FST: variants seen among roughly 807,000 people sequenced by gnomAD.
FST encodes follistatin.
Under a neutral mutation model 38.4 loss-of-function variants are expected in FST, and 6 were observed. The observed-to-expected ratio is 0.16, with a 90% CI of 0.09 to 0.31. The LOEUF is 0.31. FST is among the 10% of genes least tolerant of loss of function. The pLI is 1.00. For synonymous variants in FST, 157 were observed against 169.8 expected, an observed-to-expected ratio of 0.92 and a Z score of 0.59; for missense variants, 301 against 432.3, an observed-to-expected ratio of 0.70 and a Z score of 2.69.
intron 5 of FST, 156 bp from the exon 6 acceptor site, chr5:53,485,795 A>C: frequency 6.3e-7 from 1 of 1,596,486 alleles, no homozygotes; most frequent in Non-Finnish European, 8.5e-7. Context: ...ATAACAGCAG[A>C]TGCCAAAAAC....
intron 1 of FST, among the ~76,000 whole-genome samples, chr5:53,481,600 T>C (rs1747220588): frequency 6.6e-6 from 1 of 152,116 alleles, no homozygotes; most frequent in Middle Eastern, 3.4e-3. Flanking sequence ...CATAACTGAC[T>C]TAAATTCTGA....
Position 53,483,084 on chromosome 5 carries a change from C to G in FST, c.277+13C>G, listed in dbSNP as rs1747340817. On this transcript the variant is annotated intron_variant, in intron 2 of 5. Coordinates refer to ENST00000256759, the MANE Select transcript of FST (RefSeq NM_013409.3). The surrounding 1 kb of genome is among the most constrained non-coding windows in gnomAD (Gnocchi z 4.1). ...ATCCCCTGTAAAGGTAGGACTCCTTCTTCCCAACTTGCAGGCCCTCAGTAG... is the reference window on the plus strand; with the variant it reads ...ATCCCCTGTAAAGGTAGGACTCCTTGTTCCCAACTTGCAGGCCCTCAGTAG... 6.3e-7 allele frequency: 1 copy of G among 1,591,426 alleles called. No homozygotes were observed. Among genetic ancestry groups the G allele is most frequent in the African/African-American group, 1.3e-5 (1 of 74,550 alleles).
intron 4 of FST, 151 bp downstream of exon 4, chr5:53,484,444 A>G (rs967012545): frequency 1.4e-6 from 1 of 737,414 alleles, no homozygotes; most frequent in Non-Finnish European, 2.2e-6. Flanking sequence ...TGACCACAGT[A>G]TTCCTCATGG....
At position 53,484,305 on chromosome 5, in the gene FST, G is replaced by C. The variant is rs1173249835; in HGVS notation, c.721+12G>C. ...GGGAAAGTGTATCAGTAGGTATTCT[G>C]GATTGAGGAAGGAAAAAGAGAAAAC... is the stretch of plus-strand genomic sequence containing the variant. On this transcript the variant is annotated intron_variant, in intron 4 of 5. Transcript: ENST00000256759. 1 of 1,611,188 alleles carries C rather than the reference G, an allele frequency of 6.2e-7. No individual in the cohort carries two copies. Among genetic ancestry groups the C allele is most frequent in the South Asian group, 1.1e-5 (1 of 90,730 alleles).
rs763409214 is a variant in FST, at chr5:53,480,820, G to A, written c.29G>A (p.Gly10Glu). MVRARHQPGGLCLLLLLLCQ... is the reference protein window; with the variant it reads MVRARHQPGELCLLLLLLCQ... ...GTCCGCGCGAGGCACCAGCCGGGTGGGCTTTGCCTCCTGCTGCTGCTGCTC... is the reference window on the plus strand; with the variant it reads ...GTCCGCGCGAGGCACCAGCCGGGTGAGCTTTGCCTCCTGCTGCTGCTGCTC... Residue 10 changes from glycine to glutamate, a missense_variant, in exon 1 of 6, where the codon GGG becomes GAG. By Grantham distance (98) the Gly-to-Glu change is moderately conservative. Transcript: ENST00000256759. 55 of 1,527,840 alleles carry A rather than the reference G, an allele frequency of 3.6e-5. No homozygotes were observed. Among genetic ancestry groups the A allele is most frequent in the Non-Finnish European group, 4.3e-5 (49 of 1,135,466 alleles). 94.6% of individuals were successfully genotyped at this position (1,527,840 alleles called of 1,614,324 possible).
chr5:53,483,127 G>T lies in FST; in HGVS notation c.277+56G>T, dbSNP rs542910730. The stretch of plus-strand genomic sequence containing the variant: ...CTCAGTAGAGGGCGTCTTACCCTTA[G>T]CTTCCCCACTACCTGACTGGGGTTT... On this transcript the variant is annotated intron_variant, in intron 2 of 5. Coordinates refer to ENST00000256759, the MANE Select transcript of FST (RefSeq NM_013409.3). The surrounding 1 kb of genome is among the most constrained non-coding windows in gnomAD (Gnocchi z 4.1). 21 of 1,203,760 alleles carry T rather than the reference G, an allele frequency of 1.7e-5. No individual in the cohort carries two copies. Among genetic ancestry groups the T allele is most frequent in the Admixed American group, 1.1e-4 (6 of 55,140 alleles). 74.6% of individuals were successfully genotyped at this position (1,203,760 alleles called of 1,614,324 possible).
At chr5:53,481,528 T>A (rs1308991181) in intron 1 of FST, among the ~76,000 whole-genome samples, 1 of 149,966 alleles carries the variant, frequency 6.7e-6, no homozygotes, top group African/African-American at 2.5e-5. Flanking sequence ...CTTTACAGTT[T>A]TTTTCCCCTC....
At position 53,482,998 on chromosome 5, in the gene FST, G is replaced by A. The variant is rs753643135; in HGVS notation, c.204G>A (p.Glu68=). 5.6e-6 allele frequency: 9 copies of A among 1,613,798 alleles called. No homozygotes were observed. Among genetic ancestry groups the A allele is most frequent in the African/African-American group, 2.7e-5 (2 of 74,934 alleles). Residue 68 remains glutamate (E), a synonymous_variant, in exon 2 of 6, where the codon GAG becomes GAA. Transcript: ENST00000256759. ...TGRLSTSWTE[E]DVNDNTLFKW... is the part of the protein sequence containing the mutation. Reference sequence around the variant, plus strand: ...GGCTGAGCACCTCGTGGACCGAGGAGGACGTGAATGACAACACACTCTTCA... The same window carrying A: ...GGCTGAGCACCTCGTGGACCGAGGAAGACGTGAATGACAACACACTCTTCA...
Position 53,483,987 on chromosome 5 carries a change from A to G in FST, c.497-82A>G. The G allele has an allele frequency of 8.3e-7, 1 of 1,211,766 alleles. No homozygotes were observed. Among genetic ancestry groups the G allele is most frequent in the Non-Finnish European group, 1.2e-6 (1 of 834,084 alleles). The allele number at this position is 1,211,766 out of a possible 1,614,324, so 75.1% of individuals were successfully genotyped here. ...TTTGAAAGCTGGATGCTTCAGTGTC[A>G]TGATTTCCTTGGTAACTTCAAGTGC... On this transcript the variant is annotated intron_variant, in intron 3 of 5. Transcript: ENST00000256759. The surrounding 1 kb of genome is among the most constrained non-coding windows in gnomAD (Gnocchi z 4.1).
chr5:53,482,304 CTTCTTTCTT>C (rs1401302465), intron 1 of FST, among the ~76,000 whole-genome samples: 4 of 144,490 alleles, frequency 2.8e-5, no homozygotes, highest in East Asian at 4.0e-4. Context: ...CTTTCTTTCT[CTTCTTTCTT>C]TTCTTTCTTT....
At position 53,485,104 on chromosome 5, in the gene FST, A is replaced by G; in HGVS notation, c.829A>G (p.Ser277Gly). Residue 277 changes from serine (S) to glycine (G), a missense_variant, in exon 5 of 6, where the codon AGT becomes GGT. Physicochemically the swap from Ser to Gly is moderately conservative, Grantham distance 56. Coordinates refer to ENST00000256759, the MANE Select transcript of FST (RefSeq NM_013409.3). ...CCTCTGTGATGAGCTGTGCCCTGAC[A>G]GTAAGTCGGATGAGCCTGTCTGTGC... ...CSLCDELCPDSKSDEPVCASD... is the reference protein window; with the variant it reads ...CSLCDELCPDGKSDEPVCASD... 6.2e-7 allele frequency: 1 copy of G among 1,612,210 alleles called. No individual in the cohort carries two copies. Among genetic ancestry groups the G allele is most frequent in the Non-Finnish European group, 8.5e-7 (1 of 1,178,224 alleles).
intron 1 of FST, among the ~76,000 whole-genome samples, chr5:53,482,326 T>C (rs937787935): frequency 4.0e-5 from 6 of 151,784 alleles, no homozygotes; most frequent in Non-Finnish European, 5.9e-5. Context: ...CTTTCTTTCT[T>C]TCTCTTTCCT....
chr5:53,484,997 A>G lies in FST; in HGVS notation c.722A>G (p.Lys241Arg). 1 of 1,530,416 alleles carries G rather than the reference A, an allele frequency of 6.5e-7. No individual in the cohort carries two copies. 94.8% of individuals were successfully genotyped at this position (1,530,416 alleles called of 1,614,324 possible). A position where few individuals can be genotyped will look rare whatever the true frequency, so the allele number is the denominator to read the frequency against. Residue 241 changes from lysine to arginine, a missense_variant and splice_region_variant, in exon 5 of 6, where the codon AAA becomes AGA. Lys to Arg is a conservative substitution (Grantham distance 26). Coordinates refer to ENST00000256759, the MANE Select transcript of FST (RefSeq NM_013409.3). ...TCATCACAGATGTATTATATCCTAG[A>G]AGCAAAGTCCTGTGAAGATATCCAG... is the stretch of plus-strand genomic sequence containing the variant. ...IGLAYEGKCI[K>R]AKSCEDIQCT...
chr5:53,481,837 G>T (rs761060049), intron 1 of FST, among the ~76,000 whole-genome samples: 11 of 152,188 alleles, frequency 7.2e-5, no homozygotes, highest in Non-Finnish European at 1.2e-4. Context: ...TATGAGATAG[G>T]TACTTATAAC....
At position 53,480,789 on chromosome 5, in the gene FST, A is replaced by G. The variant is rs1452170828; in HGVS notation, c.-3A>G. On this transcript the variant is annotated 5_prime_UTR_variant, in exon 1 of 6. Transcript: ENST00000256759. ...CGCTCCTCGCCCCGCGCCTGCCCCC[A>G]GGATGGTCCGCGCGAGGCACCAGCC... 26 of 1,485,630 alleles carry G rather than the reference A, an allele frequency of 1.8e-5. No individual in the cohort carries two copies. Among genetic ancestry groups the G allele is most frequent in the Non-Finnish European group, 2.3e-5 (25 of 1,109,868 alleles). 92.0% of individuals were successfully genotyped at this position (1,485,630 alleles called of 1,614,324 possible).
intron 5 of FST, 48 bp from the exon 6 acceptor site, chr5:53,485,903 G>A (rs1320502063): frequency 6.2e-7 from 1 of 1,605,146 alleles, no homozygotes; most frequent in Non-Finnish European, 8.5e-7. Context: ...CTTCTGCGCT[G>A]TTGTTGTCCG....
At chr5:53,485,436 G>T (rs547208124) in intron 5 of FST, among the ~76,000 whole-genome samples, 2 of 152,238 alleles carry the variant, frequency 1.3e-5, no homozygotes, top group African/African-American at 4.8e-5. Context: ...CATCAATGGG[G>T]TTGCCTCTAG....
At chr5:53,481,519 T>G (rs1211385766) in intron 1 of FST, among the ~76,000 whole-genome samples, 1 of 146,108 alleles carries the variant, frequency 6.8e-6, no homozygotes, top group Non-Finnish European at 1.5e-5. Flanking sequence ...CTTTGAGCAC[T>G]TTACAGTTTT....
rs1377956089 is a variant in FST at position 53,486,823 on chromosome 5, G to A, written c.*790G>A. On this transcript the variant is annotated 3_prime_UTR_variant, in exon 6 of 6. Coordinates refer to ENST00000256759, the MANE Select transcript of FST (RefSeq NM_013409.3). ...TGTCAGGAGACTAAAGGATGTTGAA[G>A]GCTACACATTCAACCTTTTGTTAGG... 6.6e-6 allele frequency: 1 copy of A among 152,192 alleles called. No individual in the cohort carries two copies. The highest frequency in any genetic ancestry group is 1.5e-5 in the Non-Finnish European group (1 of 68,036). The allele number at this position is 152,192 out of a possible 1,614,324, so 9.4% of individuals were successfully genotyped here.
Sources: gnomAD v4.1 joint callset for allele counts (sites outside exome capture counted in the v4.1 genomes callset) on GRCh38, gnomAD v4.1.1 for gene constraint, Gnocchi (gnomAD v3.1) non-coding constraint, MANE v1.5 for transcripts, NCBI Gene and HGNC (gene_info 2026-07-23, HGNC 2026-07-21) for gene names.